Variants in MFN1 observed in about 807,000 individuals in gnomAD.
MFN1 encodes mitofusin 1.
A neutral mutation model predicts 92.4 loss-of-function variants in MFN1; 65 were observed. The ratio of observed to expected loss-of-function variants is 0.70; its 90% CI spans 0.58 to 0.86. The LOEUF (loss-of-function observed/expected upper bound fraction) is 0.86. Among genes scored for constraint, MFN1 ranks in the 40% least tolerant of loss-of-function variants. The pLI, the probability that MFN1 is intolerant of heterozygous loss-of-function variation, is 0.00. For missense variants in MFN1, 781 were observed against 868.0 expected, an observed-to-expected ratio of 0.90 and a Z score of 1.26; for synonymous variants, 297 against 300.9, an observed-to-expected ratio of 0.99 and a Z score of 0.13.
intron 7 of MFN1, among the ~76,000 whole-genome samples, chr3:179,366,123 T>C (rs927964750): frequency 2.6e-5 from 4 of 152,174 alleles, no homozygotes; most frequent in Non-Finnish European, 5.9e-5. Context: ...GCTACTGGCA[T>C]CTAATGAGTA....
Position 179,358,869 on chromosome 3 carries a change from A to G in MFN1, c.278A>G (p.Asn93Ser), listed in dbSNP as rs1712450909. 1.2e-6 allele frequency: 2 copies of G among 1,613,752 alleles called. No individual in the cohort carries two copies. Among genetic ancestry groups the G allele is most frequent in the Admixed American group, 1.7e-5 (1 of 59,978 alleles). ...AGCAGTGGGAAGAGCTCTGTTATCAATGCAATGTTGTGGGATAAAGTTCTC... is the reference window on the plus strand; with the variant it reads ...AGCAGTGGGAAGAGCTCTGTTATCAGTGCAATGTTGTGGGATAAAGTTCTC... ...RTSSGKSSVI[N>S]AMLWDKVLPS... is the part of the protein sequence containing the mutation. The change falls in exon 4 of 18, where the codon AAT becomes AGT. Residue 93 changes from asparagine to serine, a missense_variant. By Grantham distance (46) the Asn-to-Ser change is conservative. Coordinates refer to ENST00000471841, the MANE Select transcript of MFN1 (RefSeq NM_033540.3).
chr3:179,382,424 G>A (rs1713504659), intron 14 of MFN1, among the ~76,000 whole-genome samples: 2 of 152,176 alleles, frequency 1.3e-5, no homozygotes, highest in African/African-American at 4.8e-5. Flanking sequence ...TGGCTGCATA[G>A]TATTCCATGG....
chr3:179,362,973 T>C (rs1248674763), intron 5 of MFN1, among the ~76,000 whole-genome samples: 1 of 152,174 alleles, frequency 6.6e-6, no homozygotes. Context: ...TTAACTAGTT[T>C]AGCTTTATTT....
chr3:179,348,979 G>GA lies in MFN1; in HGVS notation c.112+16_112+17insA. ...TTTGTTGAAGGTTAGTTCTTCTTAAGTTTTTAAAGTAATTACTGTTGAAAA... is the reference window on the plus strand; with the variant it reads ...TTTGTTGAAGGTTAGTTCTTCTTAAGATTTTTAAAGTAATTACTGTTGAAAA... On this transcript the variant is annotated intron_variant, in intron 2 of 17. Transcript: ENST00000471841. 6.4e-7 allele frequency: 1 copy of GA among 1,564,906 alleles called. No homozygotes were observed. Among genetic ancestry groups the GA allele is most frequent in the African/African-American group, 1.4e-5 (1 of 73,278 alleles).
At chr3:179,381,657 ATGGG>A in intron 14 of MFN1, among the ~76,000 whole-genome samples, 1 of 152,366 alleles carries the variant, frequency 6.6e-6, no homozygotes, top group African/African-American at 2.4e-5. Flanking sequence ...GAGTGTTCAC[ATGGG>A]TGGCTGACAT....
chr3:179,370,149 A>G (rs975703122), intron 9 of MFN1, among the ~76,000 whole-genome samples: 12 of 152,120 alleles, frequency 7.9e-5, no homozygotes, highest in African/African-American at 2.2e-4. Flanking sequence ...CAGTTTTGGT[A>G]ATTTCTGATT....
At chr3:179,369,060 G>A (rs1405619598) in intron 9 of MFN1, among the ~76,000 whole-genome samples, 1 of 152,162 alleles carries the variant, frequency 6.6e-6, no homozygotes, top group African/African-American at 2.4e-5. Flanking sequence ...CAGCTATCTC[G>A]ATAAGATCTA....
In MFN1 at chr3:179,352,408, A is replaced by G. The variant is rs563983328; in HGVS notation, c.248+373A>G. 8.5e-5 allele frequency among the ~76,000 whole-genome samples: 13 copies of G among 152,370 alleles called. No individual in the cohort carries two copies. In the South Asian group the frequency reaches 2.7e-3, roughly 32 times the overall value. On this transcript the variant is annotated intron_variant, in intron 3 of 17. Transcript: ENST00000471841. Reference sequence around the variant, plus strand: ...ACTTTTGTCATACCTAGACAGGCCTAGAAGGAAAGAGGCTCTTGTCTGAGA... The same window carrying G: ...ACTTTTGTCATACCTAGACAGGCCTGGAAGGAAAGAGGCTCTTGTCTGAGA...
intron 4 of MFN1, among the ~76,000 whole-genome samples, chr3:179,360,652 C>T (rs1577004357): frequency 2.0e-5 from 3 of 152,050 alleles, no homozygotes; most frequent in Non-Finnish European, 2.9e-5. Flanking sequence ...TGGTTACTTT[C>T]TCTTGAGTCT....
rs1713920153 is a variant in MFN1, at chr3:179,392,003, A to G, written c.2170A>G (p.Asn724Asp). ...LLRNKAVQLE[N>D]ELENFTKQFL... is the part of the protein sequence containing the mutation. ...TAGAAATAAAGCTGTTCAACTTGAAAATGAGCTGGAGAATTTTACTAAGCA... is the reference window on the plus strand; with the variant it reads ...TAGAAATAAAGCTGTTCAACTTGAAGATGAGCTGGAGAATTTTACTAAGCA... Residue 724 changes from asparagine to aspartate, a missense_variant, in exon 18 of 18, where the codon AAT becomes GAT. Coordinates refer to ENST00000471841, the MANE Select transcript of MFN1 (RefSeq NM_033540.3). 2 of 1,608,618 alleles carry G rather than the reference A, an allele frequency of 1.2e-6. No individual in the cohort carries two copies. The highest frequency in any genetic ancestry group is 1.7e-6 in the Non-Finnish European group (2 of 1,175,638).
chr3:179,348,902 G>T lies in MFN1; in HGVS notation c.51G>T (p.Ala17=). Residue 17 remains alanine (A), a synonymous_variant, in exon 2 of 18, where the codon GCG becomes GCT. Coordinates refer to ENST00000471841, the MANE Select transcript of MFN1 (RefSeq NM_033540.3). Reference sequence around the variant, plus strand: ...AGCACTTTGTGCTGGCTAAGAAGGCGATTACTGCAATCTTTGACCAGTTAC... The same window carrying T: ...AGCACTTTGTGCTGGCTAAGAAGGCTATTACTGCAATCTTTGACCAGTTAC... ...PLKHFVLAKK[A]ITAIFDQLLE... 1.2e-6 allele frequency: 2 copies of T among 1,606,508 alleles called. No homozygotes were observed. The highest frequency in any genetic ancestry group is 2.2e-5 in the South Asian group (2 of 90,460).
chr3:179,390,196 G>A (rs1713848812), intron 17 of MFN1, 58 bp downstream of exon 17: 2 of 1,324,914 alleles, frequency 1.5e-6, no homozygotes, highest in Non-Finnish European at 2.0e-6. Context: ...TACAAAATAT[G>A]TAAAATTATT....
At position 179,350,343 on chromosome 3, in the gene MFN1, A is replaced by C. The variant is rs140593256; in HGVS notation, c.112+1380A>C. The stretch of plus-strand genomic sequence containing the variant: ...GGAGCCTGGGATTCATTGTATTCCT[A>C]GCACCAGACTTGACACAATTCAATG... On this transcript the variant is annotated intron_variant, in intron 2 of 17. Coordinates refer to ENST00000471841, the MANE Select transcript of MFN1 (RefSeq NM_033540.3). Among the ~76,000 whole-genome samples, 61 of 152,180 alleles carry C rather than the reference A, an allele frequency of 4.0e-4. No individual in the cohort carries two copies. The East Asian group carries it at 7.7e-3, about 19-fold the overall frequency.
chr3:179,382,667 A>T (rs1713516899), intron 14 of MFN1, among the ~76,000 whole-genome samples: 1 of 152,198 alleles, frequency 6.6e-6, no homozygotes, highest in Non-Finnish European at 1.5e-5. Context: ...ACAATGGTTG[A>T]ACTAGTTTAC....
At chr3:179,389,910 T>A in intron 16 of MFN1, 94 bp from the exon 17 acceptor site, 1 of 1,239,202 alleles carries the variant, frequency 8.1e-7, no homozygotes, top group Non-Finnish European at 1.1e-6. Flanking sequence ...TAGAAGTTTT[T>A]TAAAACTTGT....
At chr3:179,373,798 C>T (rs1447050632) in intron 9 of MFN1, among the ~76,000 whole-genome samples, 3 of 152,002 alleles carry the variant, frequency 2.0e-5, no homozygotes, top group East Asian at 1.9e-4. Context: ...CTCAGCCTCC[C>T]GAGTAGCTGG....
At chr3:179,390,908 T>C (rs1454870371) in intron 17 of MFN1, among the ~76,000 whole-genome samples, 2 of 152,174 alleles carry the variant, frequency 1.3e-5, no homozygotes. Context: ...ACTTAAAACA[T>C]CCATAGTAGT....
intron 14 of MFN1, among the ~76,000 whole-genome samples, chr3:179,385,231 T>C (rs1160776465): frequency 6.6e-6 from 1 of 151,578 alleles, no homozygotes. Flanking sequence ...TTTTTTTTTT[T>C]TTAGTTTATC....
chr3:179,358,070 A>G (rs908856218), intron 3 of MFN1, among the ~76,000 whole-genome samples: 4 of 151,510 alleles, frequency 2.6e-5, no homozygotes, highest in African/African-American at 9.7e-5. Context: ...CCAAGTGCAT[A>G]TATTCCAGGG....
Sources: allele counts gnomAD v4.1 joint callset (sites outside exome capture counted in the v4.1 genomes callset), GRCh38; gene constraint gnomAD v4.1.1; transcripts MANE v1.5; gene names NCBI Gene and HGNC (gene_info 2026-07-23, HGNC 2026-07-21).